HMGCLL1: variants seen among roughly 807,000 people sequenced by gnomAD.
HMGCLL1 encodes 3-hydroxy-3-methylglutaryl-CoA lyase like 1, also known as 3-hydroxymethyl-3-methylglutaryl-CoA lyase, cytoplasmic.
HMGCLL1 carries 36 observed loss-of-function variants against 39.1 expected under a neutral mutation model. That is an observed-to-expected ratio of 0.92 (90% CI 0.71 to 1.22). HMGCLL1 has a LOEUF of 1.22. Ranked by LOEUF, HMGCLL1 falls within the 50% of genes most tolerant of loss-of-function variation. HMGCLL1 has a pLI of 0.00. For synonymous variants in HMGCLL1, 149 were observed against 144.0 expected, an observed-to-expected ratio of 1.03 and a Z score of -0.25; for missense variants, 451 against 416.5, an observed-to-expected ratio of 1.08 and a Z score of -0.72.
At chr6:55,487,157 T>C (rs1766072854) in intron 7 of HMGCLL1, among the ~76,000 whole-genome samples, 1 of 152,036 alleles carries the variant, frequency 6.6e-6, no homozygotes, top group Admixed American at 6.6e-5. Flanking sequence ...ATTCCAACAG[T>C]GTTCTCTTTA....
intron 1 of HMGCLL1, among the ~76,000 whole-genome samples, chr6:55,573,680 G>GAAAC (rs941336789): frequency 6.6e-6 from 1 of 152,000 alleles, no homozygotes; most frequent in Non-Finnish European, 1.5e-5. Flanking sequence ...ATGAATGTAA[G>GAAAC]AAACAAATAA....
At chr6:55,661,512 A>G in the HMGCLL1 span, among the ~76,000 whole-genome samples, 3 of 152,012 alleles carry the variant, frequency 2.0e-5, no homozygotes, top group Non-Finnish European at 4.4e-5. Context: ...GTTGAAGATC[A>G]GATGATTGTA....
intron 1 of HMGCLL1, among the ~76,000 whole-genome samples, chr6:55,570,916 C>A (rs1487672297): frequency 6.6e-6 from 1 of 152,158 alleles, no homozygotes; most frequent in East Asian, 1.9e-4. Flanking sequence ...GTGAAAGGCT[C>A]ATCTTACATG....
At chr6:55,566,727 T>C (rs1561967231) in intron 1 of HMGCLL1, 1 of 444,150 alleles carries the variant, frequency 2.3e-6, no homozygotes, top group Admixed American at 2.4e-5. Context: ...TGGAATCTAA[T>C]TTCTCTGATC....
chr6:55,508,147 G>A (rs752421007), intron 5 of HMGCLL1, among the ~76,000 whole-genome samples: 4 of 151,672 alleles, frequency 2.6e-5, no homozygotes, highest in Non-Finnish European at 4.4e-5. Flanking sequence ...TGGTTAACAA[G>A]GATAACCATG....
chr6:55,553,146 T>A (rs1302880400), intron 1 of HMGCLL1, among the ~76,000 whole-genome samples: 91 of 84,308 alleles, frequency 1.1e-3, no homozygotes, highest in African/African-American at 3.6e-3. Context: ...TCCATCTCTC[T>A]CTCTCTCTCT....
intron 7 of HMGCLL1, among the ~76,000 whole-genome samples, chr6:55,452,367 G>A (rs1561888629): frequency 6.6e-6 from 1 of 152,188 alleles, no homozygotes; most frequent in African/African-American, 2.4e-5. Context: ...GAGATGTACA[G>A]CAAATGAACT....
intron 7 of HMGCLL1, among the ~76,000 whole-genome samples, chr6:55,479,547 A>G (rs1212681926): frequency 6.6e-6 from 1 of 151,608 alleles, no homozygotes; most frequent in African/African-American, 2.4e-5. Context: ...TTATGTAATC[A>G]TAAGTGATCT....
intron 3 of HMGCLL1, among the ~76,000 whole-genome samples, chr6:55,539,719 G>A (rs1769235646): frequency 6.6e-6 from 1 of 151,080 alleles, no homozygotes; most frequent in African/African-American, 2.4e-5. Context: ...AGGGGGGGAG[G>A]AGGAGAGAAT....
At chr6:55,494,324 A>G (rs989510184) in intron 7 of HMGCLL1, among the ~76,000 whole-genome samples, 4 of 110,340 alleles carry the variant, frequency 3.6e-5, no homozygotes, top group African/African-American at 1.4e-4. Flanking sequence ...AACGAGAGAG[A>G]GAGAAACAGC....
At chr6:55,646,955 G>A in the HMGCLL1 span, among the ~76,000 whole-genome samples, 1 of 151,846 alleles carries the variant, frequency 6.6e-6, no homozygotes, top group African/African-American at 2.4e-5. Context: ...TTTCTGTCTG[G>A]AAGATCTATT....
intron 7 of HMGCLL1, 107 bp from the exon 8 acceptor site, chr6:55,439,666 T>C (rs1763515587): frequency 1.6e-6 from 2 of 1,215,814 alleles, no homozygotes; most frequent in Admixed American, 4.0e-5. Flanking sequence ...TCTGAACTGG[T>C]TATTCAAATA....
chr6:55,640,747 T>G, the HMGCLL1 span, among the ~76,000 whole-genome samples: 1 of 151,626 alleles, frequency 6.6e-6, no homozygotes, highest in Non-Finnish European at 1.5e-5. Context: ...TATATTATAT[T>G]ACAAAATTTG....
At chr6:55,578,467 G>C (rs1006970858) in intron 1 of HMGCLL1, among the ~76,000 whole-genome samples, 1 of 152,116 alleles carries the variant, frequency 6.6e-6, no homozygotes, top group African/African-American at 2.4e-5. Flanking sequence ...ATACATTTGG[G>C]ATAATTAATG....
At chr6:55,570,622 G>A (rs1771431579) in intron 1 of HMGCLL1, among the ~76,000 whole-genome samples, 1 of 152,156 alleles carries the variant, frequency 6.6e-6, no homozygotes, top group African/African-American at 2.4e-5. Context: ...ACACCATTCA[G>A]CAGTTTATTC....
the HMGCLL1 span, among the ~76,000 whole-genome samples, chr6:55,625,997 G>A: frequency 1.3e-5 from 2 of 152,132 alleles, no homozygotes; most frequent in African/African-American, 2.4e-5. Flanking sequence ...CAGGGATGGA[G>A]GTTATGCATG....
At chr6:55,561,300 T>A (rs926158261) in intron 1 of HMGCLL1, among the ~76,000 whole-genome samples, 1 of 152,118 alleles carries the variant, frequency 6.6e-6, no homozygotes, top group African/African-American at 2.4e-5. Flanking sequence ...CTCAGGAAAT[T>A]TAGATTCCTT....
intron 7 of HMGCLL1, among the ~76,000 whole-genome samples, chr6:55,464,970 T>C (rs1351636312): frequency 6.6e-6 from 1 of 152,230 alleles, no homozygotes; most frequent in Non-Finnish European, 1.5e-5. Flanking sequence ...GGGATTTCAC[T>C]TGAAAGTTTA....
intron 5 of HMGCLL1, among the ~76,000 whole-genome samples, chr6:55,504,677 T>A (rs1275473220): frequency 5.0e-5 from 4 of 80,614 alleles, no homozygotes; most frequent in Non-Finnish European, 1.2e-4. Flanking sequence ...TTCAAATTAT[T>A]TTTAAAAATA....
Sources: allele counts gnomAD v4.1 joint callset (sites outside exome capture counted in the v4.1 genomes callset), GRCh38; gene constraint gnomAD v4.1.1; transcripts MANE v1.5; gene names NCBI Gene and HGNC (gene_info 2026-07-23, HGNC 2026-07-21).